The following MED12L variants were observed in gnomAD, a reference collection of about 807,000 sequenced individuals.
MED12L encodes the protein mediator complex subunit 12L, also known as mediator of RNA polymerase II transcription subunit 12-like protein.
In MED12L, 60 loss-of-function variants were observed where a neutral mutation model predicts 281.3. The ratio of observed to expected loss-of-function variants is 0.21; its 90% CI spans 0.17 to 0.26. MED12L has a LOEUF of 0.26. Among genes scored for constraint, MED12L ranks in the 10% least tolerant of loss-of-function variants. MED12L has a pLI of 1.00. For synonymous variants in MED12L, 974 were observed against 987.2 expected (o/e 0.99, Z 0.25); for missense variants, 2,146 against 2,680.9 (o/e 0.80, Z 4.41).
At chr3:151,397,796 G>A (rs563546648) in intron 39 of MED12L, among the ~76,000 whole-genome samples, 9 of 152,102 alleles carry the variant, frequency 5.9e-5, no homozygotes, top group Non-Finnish European at 1.2e-4. Context: ...TTGGCTTCTT[G>A]TAGAGAAAAG....
intron 16 of MED12L, among the ~76,000 whole-genome samples, chr3:151,260,156 T>C (rs1738588722): frequency 6.6e-6 from 1 of 152,102 alleles, no homozygotes; most frequent in Admixed American, 6.6e-5. Context: ...GTGGAAAGAA[T>C]GAGGGCTAGT....
chr3:151,160,601 G>A (rs1209407380), intron 8 of MED12L, among the ~76,000 whole-genome samples: 3 of 152,190 alleles, frequency 2.0e-5, no homozygotes, highest in African/African-American at 7.2e-5. Flanking sequence ...ATGAGGTACA[G>A]TCCTGCCCTA....
At position 151,116,320 on chromosome 3, in the gene MED12L, A is replaced by G. The variant is rs1477677169; in HGVS notation, c.100-18A>G. On this transcript the variant is annotated intron_variant, in intron 2 of 44. Coordinates refer to ENST00000687756, the MANE Select transcript of MED12L (RefSeq NM_001393769.1). ...GCTTTTACATCCTTCTGCTTAATCA[A>G]TACCGTCTCTTGAACAGGATGAACT... 3.2e-6 allele frequency: 5 copies of G among 1,577,600 alleles called. No homozygotes were observed. Among genetic ancestry groups the G allele is most frequent in the East Asian group, 2.2e-5 (1 of 44,482 alleles).
At chr3:151,181,934 A>G (rs544411165) in intron 11 of MED12L, among the ~76,000 whole-genome samples, 4 of 152,212 alleles carry the variant, frequency 2.6e-5, no homozygotes, top group African/African-American at 9.6e-5. Context: ...AATTTTGCTC[A>G]TTTTATGTAG....
At chr3:151,245,604 T>C (rs1443230837) in intron 16 of MED12L, among the ~76,000 whole-genome samples, 1 of 150,382 alleles carries the variant, frequency 6.6e-6, no homozygotes, top group African/African-American at 2.5e-5. Flanking sequence ...AAATTAGGTA[T>C]TGATGGGATG....
At chr3:151,174,716 T>A (rs558924736) in intron 11 of MED12L, among the ~76,000 whole-genome samples, 1 of 152,358 alleles carries the variant, frequency 6.6e-6, no homozygotes, top group Admixed American at 6.5e-5. Context: ...TAATTTTTTT[T>A]ATTTTAATTT....
chr3:151,164,194 A>G, intron 9 of MED12L, 152 bp downstream of exon 9: 1 of 770,256 alleles, frequency 1.3e-6, no homozygotes, highest in Non-Finnish European at 2.0e-6. Context: ...AGAATTGTTT[A>G]GCCTCTTCAG....
At position 151,433,138 on chromosome 3, in the gene MED12L, C is replaced by T. The variant is rs1252716277; in HGVS notation, c.*334C>T. On this transcript the variant is annotated 3_prime_UTR_variant, in exon 45 of 45. Transcript: ENST00000687756. ...CTAGAAAGAATGGATTATGATGGATCTAAGGTATTTATGTATTTCATTCAT... is the reference window on the plus strand; with the variant it reads ...CTAGAAAGAATGGATTATGATGGATTTAAGGTATTTATGTATTTCATTCAT... 3.3e-5 allele frequency: 7 copies of T among 209,476 alleles called. No homozygotes were observed. In the East Asian group the frequency reaches 4.8e-4, roughly 14 times the overall value. The allele number at this position is 209,476 out of a possible 1,614,324, so 13.0% of individuals were successfully genotyped here. A position where few individuals can be genotyped will look rare whatever the true frequency, so the allele number is the denominator to read the frequency against.
chr3:151,294,962 G>A (rs1463134464), intron 16 of MED12L: 1 of 1,613,846 alleles, frequency 6.2e-7, no homozygotes, highest in African/African-American at 1.3e-5. Context: ...TATTCGAAAT[G>A]GAAATGTCAG....
intron 13 of MED12L, 37 bp downstream of exon 13, chr3:151,188,517 T>C (rs745480796): frequency 5.1e-5 from 78 of 1,538,884 alleles, no homozygotes; most frequent in Non-Finnish European, 6.6e-5. Context: ...AGATCTTAAA[T>C]AAGGGATTGA....
At chr3:151,174,090 A>AGCACCC (rs1721760936) in intron 11 of MED12L, among the ~76,000 whole-genome samples, 4 of 152,192 alleles carry the variant, frequency 2.6e-5, no homozygotes, top group Admixed American at 1.3e-4. Context: ...TTACCAGTTG[A>AGCACCC]GCACCCCAGT....
chr3:151,291,878 T>A (rs1744301227), intron 16 of MED12L, among the ~76,000 whole-genome samples: 1 of 152,212 alleles, frequency 6.6e-6, no homozygotes, highest in African/African-American at 2.4e-5. Context: ...AAAATAGGGA[T>A]GATGTTCTCT....
rs1392841396 is a variant in MED12L, at chr3:151,338,733, A to G, written c.2251-11326A>G. The G allele has an allele frequency of 5.6e-6, 9 of 1,613,686 alleles. No homozygotes were observed. In the Admixed American group the frequency reaches 1.0e-4, roughly 18 times the overall value. ...CGCCAGGCCATTTGTGATAAGTCCA[A>G]CAAAAAACAGGACAGTGTAGAGCAG... On this transcript the variant is annotated intron_variant, in intron 16 of 44. Transcript: ENST00000687756.
At chr3:151,297,186 A>G (rs922587156) in intron 16 of MED12L, among the ~76,000 whole-genome samples, 3 of 152,204 alleles carry the variant, frequency 2.0e-5, no homozygotes, top group African/African-American at 7.2e-5. Flanking sequence ...AGCCATCTAT[A>G]TCACTGCTGC....
intron 5 of MED12L, among the ~76,000 whole-genome samples, chr3:151,140,449 T>C (rs955363124): frequency 4.6e-5 from 7 of 152,316 alleles, no homozygotes; most frequent in African/African-American, 1.7e-4. Flanking sequence ...CTTTGCTGAT[T>C]TACAGAAACT....
intron 16 of MED12L, among the ~76,000 whole-genome samples, chr3:151,324,015 TGACAG>T (rs143659510): frequency 0.059 from 8,996 of 152,262 alleles, 344 homozygotes; most frequent in Non-Finnish European, 0.083. Flanking sequence ...CTGCTAAGTC[TGACAG>T]GACAGAGAGG....
At chr3:151,389,233 C>T (rs1163442763) in intron 37 of MED12L, among the ~76,000 whole-genome samples, 1 of 152,138 alleles carries the variant, frequency 6.6e-6, no homozygotes, top group Non-Finnish European at 1.5e-5. Flanking sequence ...GGCTTTTGTT[C>T]TTTTCTGATG....
At chr3:151,171,231 C>T (rs1721387122) in intron 11 of MED12L, among the ~76,000 whole-genome samples, 1 of 152,194 alleles carries the variant, frequency 6.6e-6, no homozygotes, top group African/African-American at 2.4e-5. Context: ...CTGGTTTCCA[C>T]ATGCTCACTG....
chr3:151,403,571 A>C (rs1238679422), intron 39 of MED12L, among the ~76,000 whole-genome samples: 3 of 152,166 alleles, frequency 2.0e-5, no homozygotes, highest in Non-Finnish European at 4.4e-5. Flanking sequence ...GGTCTTGTGC[A>C]TGCATGTCAT....
Sources: allele counts gnomAD v4.1 joint callset (sites outside exome capture counted in the v4.1 genomes callset), GRCh38; gene constraint gnomAD v4.1.1; transcripts MANE v1.5; gene names NCBI Gene and HGNC (gene_info 2026-07-23, HGNC 2026-07-21).